Variants in NUP205 observed in about 807,000 individuals in gnomAD.
NUP205 encodes the protein nuclear pore complex protein Nup205.
NUP205 carries 76 observed loss-of-function variants against 253.8 expected under a neutral mutation model. The observed-to-expected ratio is 0.30, with a 90% CI of 0.25 to 0.36. The LOEUF (loss-of-function observed/expected upper bound fraction) is 0.36. Ranked by LOEUF, NUP205 falls within the 10% of genes least tolerant of loss-of-function variation. NUP205 has a pLI of 1.00. For missense variants in NUP205, 2,162 were observed against 2,425.5 expected, an observed-to-expected ratio of 0.89 and a Z score of 2.28; for synonymous variants, 832 against 850.1, an observed-to-expected ratio of 0.98 and a Z score of 0.37.
rs1235861416 is a variant in NUP205 at position 135,570,083 on chromosome 7, A to AGT, written c.29-1021_29-1020insTG. ...GAGAGAGAGAGAGAGAGAGAGAGAG[A>AGT]GAGAGAGAGAGAAACTGAAGTTTAA... On this transcript the variant is annotated intron_variant, in intron 1 of 42. Transcript: ENST00000285968. Among the ~76,000 whole-genome samples, 726 of 148,996 alleles carry AGT rather than the reference A, an allele frequency of 4.9e-3. 7 individuals carry two copies. Among genetic ancestry groups the AGT allele is most frequent in the South Asian group, 0.04 (183 of 4,610 alleles).
intron 13 of NUP205, among the ~76,000 whole-genome samples, chr7:135,595,731 G>C (rs73725160): frequency 0.034 from 5,168 of 152,130 alleles, 119 homozygotes; most frequent in Middle Eastern, 0.1. Context: ...CAAAATATTA[G>C]CATTCTTTTC....
In NUP205 at chr7:135,609,634, C is replaced by A. The variant is rs12707243; in HGVS notation, c.3195+2263C>A. ...CTGCACTCCAGCCTGGGCAACAGAG[C>A]GAGACCCCATCTCAAAAAAAAAAAA... is the stretch of plus-strand genomic sequence containing the variant. On this transcript the variant is annotated intron_variant, in intron 22 of 42. Coordinates refer to ENST00000285968, the MANE Select transcript of NUP205 (RefSeq NM_015135.3). 2.8e-4 allele frequency among the ~76,000 whole-genome samples: 42 copies of A among 151,262 alleles called. No individual in the cohort carries two copies. The Middle Eastern group carries it at 0.017, about 61-fold the overall frequency.
chr7:135,624,094 A>G (rs1427948337), intron 31 of NUP205, among the ~76,000 whole-genome samples: 1 of 152,078 alleles, frequency 6.6e-6, no homozygotes, highest in Non-Finnish European at 1.5e-5. Flanking sequence ...CTTTTAAGTT[A>G]TGTTTTAAAA....
At chr7:135,567,111 T>G (rs2129489592) in intron 1 of NUP205, among the ~76,000 whole-genome samples, 1 of 120,066 alleles carries the variant, frequency 8.3e-6, no homozygotes. Context: ...TCTGTCTGTC[T>G]TGCTCAGTCT....
At chr7:135,634,269 T>C (rs1479460176) in intron 35 of NUP205, among the ~76,000 whole-genome samples, 2 of 152,116 alleles carry the variant, frequency 1.3e-5, no homozygotes, top group Non-Finnish European at 2.9e-5. Context: ...TTGAGAGTGA[T>C]TGATATACAT....
chr7:135,642,993 G>A (rs1257030642), intron 38 of NUP205, among the ~76,000 whole-genome samples, 199 bp from the exon 39 acceptor site: 1 of 152,136 alleles, frequency 6.6e-6, no homozygotes, highest in Non-Finnish European at 1.5e-5. Context: ...CCAGCCTTAT[G>A]TATGTACCTG....
intron 1 of NUP205, among the ~76,000 whole-genome samples, chr7:135,570,012 C>T (rs898874828): frequency 7.4e-6 from 1 of 135,586 alleles, no homozygotes; most frequent in African/African-American, 2.8e-5. Flanking sequence ...CTCTTTGAAG[C>T]AGATGGTGTT....
Position 135,643,172 on chromosome 7 carries a change from T to C in NUP205, c.5393-20T>C, listed in dbSNP as rs753395022. On this transcript the variant is annotated intron_variant, in intron 38 of 42. Coordinates refer to ENST00000285968, the MANE Select transcript of NUP205 (RefSeq NM_015135.3). ...AATGCTTATAAGTGGAACATTGTTT[T>C]ATGTCATCACCTCTATTAGATACCC... is the stretch of plus-strand genomic sequence containing the variant. 2.5e-6 allele frequency: 4 copies of C among 1,602,894 alleles called. No individual in the cohort carries two copies. Among genetic ancestry groups the C allele is most frequent in the South Asian group, 1.1e-5 (1 of 89,956 alleles).
chr7:135,629,589 C>T (rs1400607428), intron 34 of NUP205, among the ~76,000 whole-genome samples: 4 of 150,786 alleles, frequency 2.7e-5, no homozygotes, highest in Non-Finnish European at 5.9e-5. Context: ...TGCAGTGGCA[C>T]GATTCCAGCT....
rs367785165 is a variant in NUP205 at position 135,575,830 on chromosome 7, A to G, written c.344-440A>G. 9.8e-5 allele frequency among the ~76,000 whole-genome samples: 15 copies of G among 152,324 alleles called. No homozygotes were observed. In the East Asian group the frequency reaches 1.9e-3, roughly 20 times the overall value. On this transcript the variant is annotated intron_variant, in intron 3 of 42. Coordinates refer to ENST00000285968, the MANE Select transcript of NUP205 (RefSeq NM_015135.3). ...ACTCATTCAAAGGAGAGTAGTTAAA[A>G]GGTGACTGAACTTGAATTATAAAAA...
intron 24 of NUP205, 74 bp from the exon 25 acceptor site, chr7:135,616,577 GTGTT>G: frequency 1.3e-6 from 1 of 787,776 alleles, no homozygotes; most frequent in Non-Finnish European, 1.9e-6. Context: ...AAGATACCTT[GTGTT>G]TGTTATTTCC....
intron 7 of NUP205, among the ~76,000 whole-genome samples, chr7:135,583,712 T>C (rs1423115397): frequency 1.3e-5 from 2 of 152,014 alleles, no homozygotes; most frequent in Admixed American, 1.3e-4. Flanking sequence ...TGAGCTGAGA[T>C]TGTACCACTG....
At chr7:135,628,161 T>C in intron 34 of NUP205, 50 bp downstream of exon 34, 1 of 1,560,760 alleles carries the variant, frequency 6.4e-7, no homozygotes, top group Non-Finnish European at 8.8e-7. Flanking sequence ...ATCCTCATTT[T>C]ACAAGTACAG....
chr7:135,558,320 A>G lies in NUP205; in HGVS notation c.28+348A>G. 3 of 333,990 alleles carry G rather than the reference A, an allele frequency of 9.0e-6. No homozygotes were observed. In the South Asian group the frequency reaches 9.8e-5, roughly 11 times the overall value. The allele number at this position is 333,990 out of a possible 1,614,324, so 20.7% of individuals were successfully genotyped here. On this transcript the variant is annotated intron_variant, in intron 1 of 42. Transcript: ENST00000285968. ...CGCTGGAATACGCATCAGGTCTTCC[A>G]CAGTGAAGCCAGAGGACCCGAGATA...
At chr7:135,637,689 A>G (rs140683710) in intron 36 of NUP205, among the ~76,000 whole-genome samples, 36 of 152,272 alleles carry the variant, frequency 2.4e-4, no homozygotes, top group African/African-American at 8.2e-4. Context: ...CATTTAGATG[A>G]TACTGGGATT....
At chr7:135,561,409 A>G (rs930987398) in intron 1 of NUP205, among the ~76,000 whole-genome samples, 1 of 152,200 alleles carries the variant, frequency 6.6e-6, no homozygotes, top group Non-Finnish European at 1.5e-5. Context: ...TAACTTAACT[A>G]GTCTTGTGAC....
intron 23 of NUP205, among the ~76,000 whole-genome samples, chr7:135,614,915 A>G (rs1323451661): frequency 3.3e-5 from 5 of 152,198 alleles, no homozygotes; most frequent in Admixed American, 6.5e-5. Context: ...AGGCTCACAC[A>G]TGCCATAAAC....
intron 38 of NUP205, among the ~76,000 whole-genome samples, chr7:135,642,843 G>GGGGTGT (rs368168185): frequency 2.1e-5 from 3 of 144,896 alleles, no homozygotes; most frequent in African/African-American, 7.7e-5. Context: ...GATGTGGAGG[G>GGGGTGT]GTGTGTGTGT....
chr7:135,622,388 A>T (rs955468424), intron 30 of NUP205, among the ~76,000 whole-genome samples: 1 of 149,026 alleles, frequency 6.7e-6, no homozygotes, highest in African/African-American at 2.5e-5. Context: ...ATGCCACTGC[A>T]CTCCAGCCTG....
Sources: allele counts gnomAD v4.1 joint callset (sites outside exome capture counted in the v4.1 genomes callset), GRCh38; gene constraint gnomAD v4.1.1; transcripts MANE v1.5; gene names NCBI Gene and HGNC (gene_info 2026-07-23, HGNC 2026-07-21).